SYBU: variants seen among roughly 807,000 people sequenced by gnomAD.
SYBU encodes syntabulin.
SYBU carries 21 observed loss-of-function variants against 35.9 expected under a neutral mutation model. The observed-to-expected ratio is 0.58, with a 90% CI of 0.41 to 0.84. The LOEUF is 0.84. Among genes scored for constraint, SYBU ranks in the 40% least tolerant of loss-of-function variants. The pLI is 0.00. For synonymous variants in SYBU, 319 were observed against 324.3 expected (o/e 0.98, Z 0.18); for missense variants, 768 against 848.2 (o/e 0.91, Z 1.17).
intron 4 of SYBU, chr8:109,580,205 C>T (rs1822864087): frequency 3.5e-6 from 2 of 566,770 alleles, no homozygotes; most frequent in African/African-American, 1.9e-5. Context: ...CAAGCAACCT[C>T]TCCCTCTGTT....
intron 2 of SYBU, among the ~76,000 whole-genome samples, chr8:109,641,527 G>A (rs766038293): frequency 3.3e-5 from 5 of 152,226 alleles, no homozygotes; most frequent in Non-Finnish European, 5.9e-5. Context: ...TGGTGAAAGG[G>A]CCAGGGATTC....
chr8:109,627,444 T>C (rs555518870), intron 2 of SYBU, among the ~76,000 whole-genome samples: 41 of 152,170 alleles, frequency 2.7e-4, no homozygotes, highest in Non-Finnish European at 4.4e-4. Context: ...GGTGCATTTA[T>C]AAGGCAAGAA....
intron 3 of SYBU, among the ~76,000 whole-genome samples, chr8:109,606,748 A>G (rs1279760159): frequency 6.6e-6 from 1 of 152,224 alleles, no homozygotes; most frequent in Non-Finnish European, 1.5e-5. Context: ...TCCTTGGTAC[A>G]TTCACATTCT....
intron 3 of SYBU, among the ~76,000 whole-genome samples, chr8:109,593,878 C>T (rs1824566446): frequency 6.6e-6 from 1 of 152,184 alleles, no homozygotes; most frequent in Non-Finnish European, 1.5e-5. Flanking sequence ...AGGTTACATC[C>T]ACCGTGGTCA....
In SYBU at chr8:109,644,766, C is replaced by A; in HGVS notation, c.-107G>T. The A allele has an allele frequency of 1.7e-6, 2 of 1,165,552 alleles. No individual in the cohort carries two copies. The highest frequency in any genetic ancestry group is 4.2e-5 in the Admixed American group (1 of 23,614). 72.2% of individuals were successfully genotyped at this position (1,165,552 alleles called of 1,614,324 possible). On this transcript the variant is annotated 5_prime_UTR_variant, in exon 1 of 7. Transcript: ENST00000276646. ...GCGCTGAGCCGGCGCGGGCTGCGGG[C>A]GGCGGCTCTTGGTGAGGCTCCAACG...
intron 2 of SYBU, among the ~76,000 whole-genome samples, chr8:109,621,163 A>G (rs1812361603): frequency 6.6e-6 from 1 of 152,210 alleles, no homozygotes; most frequent in Non-Finnish European, 1.5e-5. Flanking sequence ...AAAATTAAAC[A>G]ATTTCCAGCA....
intron 2 of SYBU, among the ~76,000 whole-genome samples, chr8:109,630,817 G>A (rs1015377524): frequency 6.6e-6 from 1 of 152,174 alleles, no homozygotes; most frequent in African/African-American, 2.4e-5. Context: ...GGGCCCAGGG[G>A]GGATGTCTGG....
chr8:109,680,854 A>T (rs1817377637), exon 1 of SYBU: 1 of 152,216 alleles, frequency 6.6e-6, no homozygotes, highest in Non-Finnish European at 1.5e-5. Context: ...TTAAAGGGAA[A>T]CCAGAAAACT....
intron 6 of SYBU, 132 bp from the exon 7 acceptor site, chr8:109,576,145 C>T (rs900913470): frequency 1.8e-5 from 21 of 1,152,764 alleles, no homozygotes; most frequent in Non-Finnish European, 2.4e-5. Context: ...ACTTGAAATA[C>T]AGATGTGAAA....
chr8:109,669,339 CAAAAAAAAAAAA>C (rs533510895), intron 1 of SYBU, among the ~76,000 whole-genome samples: 6 of 49,696 alleles, frequency 1.2e-4, no homozygotes, highest in African/African-American at 3.1e-4. Context: ...GAGACTCCGT[CAAAAAAAAAAAA>C]AAAAAAAAAA....
At chr8:109,614,741 T>C (rs1811547005) in intron 3 of SYBU, among the ~76,000 whole-genome samples, 2 of 152,244 alleles carry the variant, frequency 1.3e-5, no homozygotes, top group Non-Finnish European at 2.9e-5. Flanking sequence ...AAGAGAAACA[T>C]GAAAACACAA....
At chr8:109,629,396 C>G (rs1386311758) in intron 2 of SYBU, among the ~76,000 whole-genome samples, 1 of 152,200 alleles carries the variant, frequency 6.6e-6, no homozygotes, top group Non-Finnish European at 1.5e-5. Context: ...TAATATCCCT[C>G]TGAGATAAGC....
intron 2 of SYBU, among the ~76,000 whole-genome samples, chr8:109,633,632 C>T (rs954402340): frequency 1.2e-4 from 19 of 152,234 alleles, no homozygotes; most frequent in African/African-American, 4.6e-4. Context: ...CTGGGGCTTT[C>T]TCAGAATAAA....
chr8:109,588,452 T>A (rs565135139), intron 3 of SYBU, among the ~76,000 whole-genome samples: 1 of 152,264 alleles, frequency 6.6e-6, no homozygotes, highest in South Asian at 2.1e-4. Context: ...CTGAAAGAGA[T>A]TAGAAGGCAC....
rs1823343278 is a variant in SYBU at position 109,584,019 on chromosome 8, T to A, written c.530+2041A>T. On this transcript the variant is annotated intron_variant, in intron 4 of 6. Transcript: ENST00000276646. This position sits in a 1 kb window ranked among gnomAD's most constrained non-coding sequence, Gnocchi z 4.0. ...TTTTAGTAGACACGGGGTTTCACCA[T>A]ATTAGCCAGGCTGGTCTTGAACTCC... Among the ~76,000 whole-genome samples the A allele has an allele frequency of 6.6e-6, 1 of 151,754 alleles. No individual in the cohort carries two copies. The highest frequency in any genetic ancestry group is 1.5e-5 in the Non-Finnish European group (1 of 67,976).
At chr8:109,591,697 A>G (rs866755638) in intron 3 of SYBU, among the ~76,000 whole-genome samples, 1 of 150,952 alleles carries the variant, frequency 6.6e-6, no homozygotes. Flanking sequence ...TATTTTTAGT[A>G]GAGACGGGGT....
intron 1 of SYBU, among the ~76,000 whole-genome samples, chr8:109,658,378 C>T (rs779916816): frequency 1.1e-4 from 16 of 152,160 alleles, no homozygotes; most frequent in Non-Finnish European, 2.2e-4. Context: ...AAAGTTTCTT[C>T]TACAAACTTC....
At chr8:109,615,861 T>C (rs1356606473) in intron 3 of SYBU, among the ~76,000 whole-genome samples, 1 of 152,092 alleles carries the variant, frequency 6.6e-6, no homozygotes, top group Non-Finnish European at 1.5e-5. Context: ...GACACTCTTC[T>C]GGAGTATGGG....
chr8:109,673,208 G>T (rs992783666), intron 1 of SYBU, among the ~76,000 whole-genome samples: 1 of 152,164 alleles, frequency 6.6e-6, no homozygotes, highest in Non-Finnish European at 1.5e-5. Flanking sequence ...CTCCTCAAGT[G>T]AGTTCCTGAC....
Sources: allele counts gnomAD v4.1 joint callset (sites outside exome capture counted in the v4.1 genomes callset), GRCh38; gene constraint gnomAD v4.1.1; non-coding constraint Gnocchi (gnomAD v3.1); transcripts MANE v1.5; gene names NCBI Gene and HGNC (gene_info 2026-07-23, HGNC 2026-07-21).